COTL1: variants seen among roughly 807,000 people sequenced by gnomAD.
The protein encoded by COTL1 is coactosin-like protein.
COTL1 carries 15 observed loss-of-function variants against 16.5 expected under a neutral mutation model. The ratio of observed to expected loss-of-function variants is 0.91; its 90% confidence interval spans 0.61 to 1.40. The LOEUF is 1.40. Among genes scored for constraint, COTL1 ranks in the 40% most tolerant of loss-of-function variants. COTL1 has a pLI of 0.00. For synonymous variants in COTL1, 112 were observed against 85.3 expected (o/e 1.31, Z -1.73); for missense variants, 220 against 201.5 (o/e 1.09, Z -0.56).
intron 3 of COTL1, among the ~76,000 whole-genome samples, chr16:84,584,193 T>C (rs913761345): frequency 6.6e-6 from 1 of 152,256 alleles, no homozygotes; most frequent in Non-Finnish European, 1.5e-5. Flanking sequence ...GTGCGTGCTG[T>C]GCGTTCAGCG....
intron 3 of COTL1, among the ~76,000 whole-genome samples, chr16:84,572,407 C>T (rs1567530568): frequency 6.6e-6 from 1 of 152,220 alleles, no homozygotes; most frequent in Admixed American, 6.5e-5. Context: ...GGAGGCAAGT[C>T]CTTCATCAGA....
At chr16:84,611,916 G>A (rs1304885464) in intron 2 of COTL1, among the ~76,000 whole-genome samples, 1 of 152,068 alleles carries the variant, frequency 6.6e-6, no homozygotes, top group African/African-American at 2.4e-5. Context: ...CAACCGGTCT[G>A]GCAAATGGCC....
intron 2 of COTL1, among the ~76,000 whole-genome samples, chr16:84,598,819 A>AG (rs1271554545): frequency 6.0e-3 from 51 of 8,524 alleles, no homozygotes; most frequent in Non-Finnish European, 0.019. Flanking sequence ...ACCAAGCGGC[A>AG]GGGGTGGGGG....
intron 3 of COTL1, among the ~76,000 whole-genome samples, chr16:84,570,271 T>G (rs1201838670): frequency 6.6e-6 from 1 of 152,028 alleles, no homozygotes; most frequent in East Asian, 1.9e-4. Context: ...CGAGATTCCA[T>G]CTCAAAAAAA....
intron 2 of COTL1, among the ~76,000 whole-genome samples, chr16:84,611,895 G>T (rs528225200): frequency 3.5e-4 from 53 of 152,254 alleles, no homozygotes; most frequent in African/African-American, 1.3e-3. Flanking sequence ...GCTGTGGCCA[G>T]GTAGATCATA....
intron 2 of COTL1, among the ~76,000 whole-genome samples, chr16:84,614,961 T>C (rs1905433730): frequency 6.6e-6 from 1 of 152,156 alleles, no homozygotes; most frequent in African/African-American, 2.4e-5. Flanking sequence ...TATTAACCTC[T>C]CTGGGCCTCC....
intron 3 of COTL1, among the ~76,000 whole-genome samples, chr16:84,587,933 G>A (rs1488721214): frequency 2.6e-5 from 4 of 151,876 alleles, no homozygotes; most frequent in African/African-American, 9.7e-5. Flanking sequence ...CACCACACCC[G>A]GCTAATTTCT....
At chr16:84,570,159 C>T (rs754854750) in intron 3 of COTL1, among the ~76,000 whole-genome samples, 7 of 152,144 alleles carry the variant, frequency 4.6e-5, no homozygotes, top group Non-Finnish European at 1.0e-4. Context: ...GCCTGTAATC[C>T]CAGCTACTCA....
chr16:84,577,359 C>G (rs1363175347), intron 3 of COTL1, among the ~76,000 whole-genome samples: 1 of 152,192 alleles, frequency 6.6e-6, no homozygotes, highest in Non-Finnish European at 1.5e-5. Context: ...ATTGTCCTGC[C>G]ACAGTCTCCC....
chr16:84,602,118 C>G (rs2967874), intron 2 of COTL1, among the ~76,000 whole-genome samples: 125 of 151,910 alleles, frequency 8.2e-4, no homozygotes, highest in Non-Finnish European at 1.2e-3. Context: ...ACATACTTCC[C>G]GAATAAATGA....
chr16:84,597,110 G>A (rs916322998), intron 2 of COTL1, among the ~76,000 whole-genome samples: 2 of 152,204 alleles, frequency 1.3e-5, no homozygotes, highest in African/African-American at 4.8e-5. Context: ...GTAGAATGGG[G>A]ACCACTTTCT....
At chr16:84,602,389 A>T (rs1334249047) in intron 2 of COTL1, among the ~76,000 whole-genome samples, 5 of 149,202 alleles carry the variant, frequency 3.4e-5, no homozygotes, top group African/African-American at 1.3e-4. Context: ...ACTCTGTCTC[A>T]AAAAACTTTT....
At chr16:84,586,125 A>G (rs1904726942) in intron 3 of COTL1, among the ~76,000 whole-genome samples, 1 of 152,180 alleles carries the variant, frequency 6.6e-6, no homozygotes, top group African/African-American at 2.4e-5. Context: ...CCACCATAGC[A>G]TGGACCGTTT....
intron 2 of COTL1, among the ~76,000 whole-genome samples, chr16:84,593,637 G>A (rs1022660208): frequency 3.2e-4 from 49 of 151,644 alleles, no homozygotes; most frequent in Admixed American, 3.0e-3. Flanking sequence ...TCAGCCCCCC[G>A]AGTAGCTGGG....
At chr16:84,613,548 A>G (rs113175762) in intron 2 of COTL1, among the ~76,000 whole-genome samples, 1 of 152,312 alleles carries the variant, frequency 6.6e-6, no homozygotes, top group African/African-American at 2.4e-5. Context: ...AAAGCCAAGC[A>G]GACAGCATGA....
intron 2 of COTL1, among the ~76,000 whole-genome samples, chr16:84,593,919 C>T (rs970378254): frequency 2.0e-5 from 3 of 152,234 alleles, no homozygotes; most frequent in South Asian, 2.1e-4. Flanking sequence ...AGAACAGTCA[C>T]TCCCCATTCT....
At chr16:84,577,039 G>C (rs1221128125) in intron 3 of COTL1, 1 of 152,214 alleles carries the variant, frequency 6.6e-6, no homozygotes. Flanking sequence ...CTTGCTAGGA[G>C]ACAAGGCAAT....
chr16:84,604,028 CCCCGCAACTCCCCTCTCCCT>C (rs1432323260), intron 2 of COTL1, among the ~76,000 whole-genome samples: 1 of 130,756 alleles, frequency 7.6e-6, no homozygotes, highest in East Asian at 2.3e-4. Context: ...TCCCTACTAC[CCCCGCAACTCCCCTCTCCCT>C]CCCGCTGCCC....
At chr16:84,600,466 C>T (rs533933006) in intron 2 of COTL1, among the ~76,000 whole-genome samples, 2 of 152,128 alleles carry the variant, frequency 1.3e-5, no homozygotes, top group African/African-American at 4.8e-5. Context: ...GCACCTGCCA[C>T]CATGCTCGGC....
Sources: allele counts gnomAD v4.1 joint callset (sites outside exome capture counted in the v4.1 genomes callset), GRCh38; gene constraint gnomAD v4.1.1; transcripts MANE v1.5; gene names NCBI Gene and HGNC (gene_info 2026-07-23, HGNC 2026-07-21).